TEX10: variants seen among roughly 807,000 people sequenced by gnomAD.
The protein encoded by TEX10 is testis-expressed protein 10.
TEX10 carries 24 observed loss-of-function variants against 104.4 expected under a neutral mutation model. The ratio of observed to expected loss-of-function variants is 0.23; its 90% CI spans 0.17 to 0.32. The LOEUF is 0.32. Among genes scored for constraint, TEX10 ranks in the 10% least tolerant of loss-of-function variants. The pLI is 1.00. For synonymous variants in TEX10, 396 were observed against 393.4 expected (o/e 1.01, Z -0.08); for missense variants, 921 against 1,083.9 (o/e 0.85, Z 2.11).
At chr9:100,337,357 A>G (rs1224335492) in intron 5 of TEX10, among the ~76,000 whole-genome samples, 1 of 152,212 alleles carries the variant, frequency 6.6e-6, no homozygotes, top group Non-Finnish European at 1.5e-5. Context: ...TAAATCCTAA[A>G]CATCTAAACC....
rs1834940409 is a variant in TEX10, at chr9:100,333,953, T to C, written c.1251-3784A>G. Among the ~76,000 whole-genome samples the C allele has an allele frequency of 4.6e-5, 7 of 152,198 alleles. No individual in the cohort carries two copies. In the South Asian group the frequency reaches 1.2e-3, roughly 27 times the overall value. On this transcript the variant is annotated intron_variant, in intron 5 of 14. Transcript: ENST00000374902. Reference sequence around the variant, plus strand: ...AAAAAATGAAAATTCAATGGACTTATGTTTGACTACAACTGAATACAACTA... The same window carrying C: ...AAAAAATGAAAATTCAATGGACTTACGTTTGACTACAACTGAATACAACTA...
rs1434456771 is a variant in TEX10, at chr9:100,326,945, C to T, written c.1802-466G>A. Among the ~76,000 whole-genome samples the T allele has an allele frequency of 2.0e-5, 3 of 152,090 alleles. No homozygotes were observed. In the East Asian group the frequency reaches 5.8e-4, roughly 29 times the overall value. Reference sequence around the variant, plus strand: ...TGGAAACCACTCAAATGTTCATCACCAGACAAATGGATAAATACCAGTGAC... The same window carrying T: ...TGGAAACCACTCAAATGTTCATCACTAGACAAATGGATAAATACCAGTGAC... On this transcript the variant is annotated intron_variant, in intron 8 of 14. Coordinates refer to ENST00000374902, the MANE Select transcript of TEX10 (RefSeq NM_017746.4).
intron 4 of TEX10, among the ~76,000 whole-genome samples, chr9:100,341,141 A>T (rs1835161956): frequency 6.6e-6 from 1 of 151,964 alleles, no homozygotes; most frequent in African/African-American, 2.4e-5. Context: ...TAATTTTTGT[A>T]TTTTTAGTAG....
intron 5 of TEX10, among the ~76,000 whole-genome samples, chr9:100,331,562 T>C (rs1173838736): frequency 6.6e-6 from 1 of 152,144 alleles, no homozygotes; most frequent in Non-Finnish European, 1.5e-5. Context: ...GAACCACAAA[T>C]ACATGAGAAG....
chr9:100,322,128 A>G (rs988576857), intron 9 of TEX10, among the ~76,000 whole-genome samples: 5 of 152,210 alleles, frequency 3.3e-5, no homozygotes, highest in African/African-American at 1.2e-4. Flanking sequence ...TTTGATTTTT[A>G]TAGTCTTACC....
intron 5 of TEX10, among the ~76,000 whole-genome samples, chr9:100,338,256 T>C (rs1835061643): frequency 1.3e-5 from 2 of 152,220 alleles, no homozygotes; most frequent in Admixed American, 6.5e-5. Context: ...CAGTTCATTA[T>C]AGTAGCCATA....
At chr9:100,352,346 A>T (rs1444433651) in intron 1 of TEX10, 6 of 1,550,548 alleles carry the variant, frequency 3.9e-6, no homozygotes, top group Non-Finnish European at 2.6e-6. Flanking sequence ...GGGCGACCAG[A>T]GGACGGAACA....
At chr9:100,302,333 A>C in intron 14 of TEX10, 29 bp from the exon 15 acceptor site, 1 of 1,509,576 alleles carries the variant, frequency 6.6e-7, no homozygotes. Flanking sequence ...GTAATCTGAG[A>C]ACTGCACCCA....
Position 100,329,931 on chromosome 9 carries a change from C to A in TEX10, c.1489G>T (p.Glu497Ter). ...ATAAGGGCAAAGTAGCATCACCTAC[C>A]TCTGTTTGGCTGTATTTGCATTAAC... ...WRLMQIQPNR[E>*]DTETLIKAVY... Residue 497 changes from glutamate to a stop codon, truncating the protein, a stop_gained and splice_region_variant, in exon 6 of 15, where the codon GAG (glutamate) becomes TAG (stop). Transcript: ENST00000374902. LOFTEE classifies it high-confidence loss of function. 6.2e-7 allele frequency: 1 copy of A among 1,605,848 alleles called. No individual in the cohort carries two copies. The highest frequency in any genetic ancestry group is 8.5e-7 in the Non-Finnish European group (1 of 1,174,758).
intron 8 of TEX10, 144 bp downstream of exon 8, chr9:100,327,643 G>A (rs1198820790): frequency 2.1e-6 from 1 of 468,020 alleles, no homozygotes; most frequent in Non-Finnish European, 3.7e-6. Flanking sequence ...TTTACTGTAT[G>A]ATGTTTTGTT....
chr9:100,345,415 A>G (rs1342867012), intron 4 of TEX10, among the ~76,000 whole-genome samples: 1 of 152,256 alleles, frequency 6.6e-6, no homozygotes, highest in Admixed American at 6.5e-5. Context: ...ATAAACTTGA[A>G]GGATTCACAC....
chr9:100,310,019 G>T (rs1382109433), intron 12 of TEX10, among the ~76,000 whole-genome samples: 1 of 152,152 alleles, frequency 6.6e-6, no homozygotes, highest in African/African-American at 2.4e-5. Flanking sequence ...ACAGAAGTTG[G>T]AAAGGATGTG....
chr9:100,304,795 T>C (rs909465355), intron 13 of TEX10: 5 of 150,714 alleles, frequency 3.3e-5, no homozygotes, highest in Admixed American at 2.0e-4. Flanking sequence ...GAGGTGGAGG[T>C]TGTAGTGAGC....
chr9:100,306,167 T>C (rs1422247452), intron 13 of TEX10: 1 of 151,972 alleles, frequency 6.6e-6, no homozygotes, highest in Non-Finnish European at 1.5e-5. Context: ...ATTAGCAAAT[T>C]GAAAGATTTT....
intron 8 of TEX10, 54 bp downstream of exon 8, chr9:100,327,733 G>C: frequency 7.2e-7 from 1 of 1,391,926 alleles, no homozygotes; most frequent in Non-Finnish European, 9.5e-7. Context: ...AACTTCTTTT[G>C]TATATCAGGG....
intron 11 of TEX10, among the ~76,000 whole-genome samples, chr9:100,316,666 G>A (rs547161165): frequency 6.6e-6 from 1 of 152,148 alleles, no homozygotes; most frequent in South Asian, 2.1e-4. Context: ...CAGTGGCACA[G>A]TCATAGTTCA....
intron 4 of TEX10, 56 bp from the exon 5 acceptor site, chr9:100,340,425 T>C: frequency 1.8e-6 from 2 of 1,094,136 alleles, no homozygotes; most frequent in South Asian, 1.6e-5. Flanking sequence ...AAATAAGCAA[T>C]AAAACTTGAA....
rs544629942 is a variant in TEX10 at position 100,350,250 on chromosome 9, T to C, written c.-9-878A>G. 2.0e-5 allele frequency among the ~76,000 whole-genome samples: 3 copies of C among 152,254 alleles called. No individual in the cohort carries two copies. In the East Asian group the frequency reaches 5.8e-4, roughly 29 times the overall value. On this transcript the variant is annotated intron_variant, in intron 1 of 14. Transcript: ENST00000374902. Reference sequence around the variant, plus strand: ...CACTACTTTCAAGAAGTCCTTTATTTCTACCATTCAATACCTTCCCCACTG... The same window carrying C: ...CACTACTTTCAAGAAGTCCTTTATTCCTACCATTCAATACCTTCCCCACTG...
At chr9:100,350,931 G>A (rs1461216740) in intron 1 of TEX10, among the ~76,000 whole-genome samples, 1 of 152,082 alleles carries the variant, frequency 6.6e-6, no homozygotes, top group Non-Finnish European at 1.5e-5. Context: ...GCTGTACACT[G>A]TCCCAATTTC....
Sources: gnomAD v4.1 joint callset for allele counts (sites outside exome capture counted in the v4.1 genomes callset) on GRCh38, gnomAD v4.1.1 for gene constraint, MANE v1.5 for transcripts, NCBI Gene and HGNC (gene_info 2026-07-23, HGNC 2026-07-21) for gene names.